The following NUDT6 variants were observed in gnomAD, a reference collection of about 807,000 sequenced individuals.
NUDT6 encodes FAD diphosphatase NUDT6.
In NUDT6, 24 loss-of-function variants were observed where a neutral mutation model predicts 36.8. The observed-to-expected ratio is 0.65, with a 90% CI of 0.47 to 0.92. The LOEUF (loss-of-function observed/expected upper bound fraction) is 0.92. Ranked by LOEUF, NUDT6 falls within the 40% of genes least tolerant of loss-of-function variation. NUDT6 has a pLI of 0.00. For missense variants in NUDT6, 388 were observed against 392.8 expected (o/e 0.99, Z 0.10); for synonymous variants, 163 against 157.0 (o/e 1.04, Z -0.29).
chr4:122,903,578 G>A (rs1026735549), intron 3 of NUDT6, among the ~76,000 whole-genome samples: 5 of 152,166 alleles, frequency 3.3e-5, no homozygotes, highest in East Asian at 1.9e-4. Flanking sequence ...TCTCAGCTCC[G>A]AATCTGCCCT....
chr4:122,908,342 T>C (rs1212411820), intron 3 of NUDT6, among the ~76,000 whole-genome samples: 1 of 152,214 alleles, frequency 6.6e-6, no homozygotes, highest in Non-Finnish European at 1.5e-5. Flanking sequence ...CAGTGTAATA[T>C]TGGTTGACAG....
In NUDT6 at chr4:122,922,447, TCCAA is replaced by T; in HGVS notation, c.122_125del (p.Val41GlufsTer84). 1 of 1,610,874 alleles carries T rather than the reference TCCAA, an allele frequency of 6.2e-7. No individual in the cohort carries two copies. Among genetic ancestry groups the T allele is most frequent in the Non-Finnish European group, 8.5e-7 (1 of 1,179,662 alleles). On this transcript the variant is annotated frameshift_variant, in exon 1 of 5. Transcript: ENST00000304430. LOFTEE classifies it high-confidence loss of function. ...CCAGCTCGCCCTGCAGATCGCACGC[TCCAA>T]CTGGCGGATTCCGCACGTAACCCTG...
At position 122,917,666 on chromosome 4, in the gene NUDT6, C is replaced by G. The variant is rs771597620; in HGVS notation, c.277G>C (p.Val93Leu). ...TGGAGGATGGGAATGTGCAGCCATA[C>G]AGCTGTTCTACCTTCTGATCGCCAT... The part of the protein sequence containing the change: ...QQWRSEGRTA[V>L]WLHIPILQSR... The change falls in exon 2 of 5, where the codon GTA (valine) becomes CTA (leucine). Residue 93 changes from valine to leucine, a missense_variant. Transcript: ENST00000304430. 3.1e-6 allele frequency: 5 copies of G among 1,614,038 alleles called. No individual in the cohort carries two copies. The highest frequency in any genetic ancestry group is 4.2e-6 in the Non-Finnish European group (5 of 1,180,010).
chr4:122,897,575 T>G, intron 4 of NUDT6, 49 bp downstream of exon 4: 1 of 1,284,472 alleles, frequency 7.8e-7, no homozygotes, highest in South Asian at 1.2e-5. Flanking sequence ...GTAAACACAT[T>G]AATTTCCTCA....
At chr4:122,922,622 A>T (rs747101108), upstream of NUDT6, 1 of 1,493,232 alleles carries the variant, frequency 6.7e-7, no homozygotes, top group Non-Finnish European at 9.1e-7. Context: ...TCCGCGCTCC[A>T]GAGCGGAGAT....
chr4:122,915,469 CAAAAAAAAAAA>C (rs61032259), intron 2 of NUDT6, among the ~76,000 whole-genome samples: 83 of 42,258 alleles, frequency 2.0e-3, no homozygotes, highest in African/African-American at 4.8e-3. Context: ...GACCCTGCCT[CAAAAAAAAAAA>C]AAAAAAAAAA....
intron 3 of NUDT6, among the ~76,000 whole-genome samples, chr4:122,911,998 A>G (rs1468148935): frequency 6.6e-6 from 1 of 150,714 alleles, no homozygotes; most frequent in East Asian, 2.0e-4. Context: ...GTGCCTTTGT[A>G]TAAGCAATTC....
intron 3 of NUDT6, among the ~76,000 whole-genome samples, chr4:122,898,600 C>G (rs1727437284): frequency 6.6e-6 from 1 of 152,178 alleles, no homozygotes; most frequent in Admixed American, 6.5e-5. Context: ...TGTCATTTCT[C>G]AACTATGCTA....
chr4:122,895,081 T>C (rs946359168), intron 4 of NUDT6: 1 of 152,198 alleles, frequency 6.6e-6, no homozygotes, highest in African/African-American at 2.4e-5. Context: ...ACTAACTGAC[T>C]GAAAATTGAA....
intron 3 of NUDT6, among the ~76,000 whole-genome samples, chr4:122,910,525 T>C (rs1727712702): frequency 6.6e-6 from 1 of 152,230 alleles, no homozygotes; most frequent in Non-Finnish European, 1.5e-5. Context: ...AATCATGTTA[T>C]CTGGCTGTCT....
chr4:122,911,831 C>T, intron 3 of NUDT6, among the ~76,000 whole-genome samples: 1 of 152,130 alleles, frequency 6.6e-6, no homozygotes, highest in East Asian at 1.9e-4. Context: ...ATATTTGTTG[C>T]TTCTAGTCAC....
intron 1 of NUDT6, chr4:122,920,455 C>G (rs1350534319): frequency 6.6e-6 from 1 of 152,174 alleles, no homozygotes; most frequent in East Asian, 1.9e-4. Flanking sequence ...AAAAATATAA[C>G]AAGTATTTGG....
chr4:122,914,817 G>A (rs570230725), intron 2 of NUDT6, among the ~76,000 whole-genome samples: 5 of 152,026 alleles, frequency 3.3e-5, no homozygotes, highest in East Asian at 3.9e-4. Context: ...TGAGGATATC[G>A]TGGTGACCAA....
At chr4:122,908,354 C>T (rs1279146578) in intron 3 of NUDT6, among the ~76,000 whole-genome samples, 1 of 152,212 alleles carries the variant, frequency 6.6e-6, no homozygotes, top group Non-Finnish European at 1.5e-5. Context: ...GGTTGACAGA[C>T]TTCTTTATTT....
intron 3 of NUDT6, among the ~76,000 whole-genome samples, chr4:122,904,921 A>C (rs1184247956): frequency 6.6e-6 from 1 of 152,132 alleles, no homozygotes; most frequent in African/African-American, 2.4e-5. Context: ...TCAAGAATGA[A>C]GCCGCGGACC....
chr4:122,908,107 C>A (rs1727659618), intron 3 of NUDT6, among the ~76,000 whole-genome samples: 1 of 151,908 alleles, frequency 6.6e-6, no homozygotes, highest in Non-Finnish European at 1.5e-5. Flanking sequence ...AAGGGGACCC[C>A]AAAAAAATCT....
At chr4:122,921,246 A>T (rs1727976219) in intron 1 of NUDT6, 1 of 152,184 alleles carries the variant, frequency 6.6e-6, no homozygotes. Flanking sequence ...CCCAATTTGT[A>T]TACAAATGTG....
Position 122,917,709 on chromosome 4 carries a change from A to G in NUDT6, c.239-5T>C. Reference sequence around the variant, plus strand: ...ATCGCCATTGCTGTACTGCAGCTAAATGCAGAAGAAAAAAGTCTAAATAAT... The same window carrying G: ...ATCGCCATTGCTGTACTGCAGCTAAGTGCAGAAGAAAAAAGTCTAAATAAT... On this transcript the variant is annotated splice_polypyrimidine_tract_variant and splice_region_variant and intron_variant, in intron 1 of 4. Coordinates refer to ENST00000304430, the MANE Select transcript of NUDT6 (RefSeq NM_007083.5). The G allele has an allele frequency of 6.2e-7, 1 of 1,613,108 alleles. No homozygotes were observed. The highest frequency in any genetic ancestry group is 8.5e-7 in the Non-Finnish European group (1 of 1,179,326).
chr4:122,897,752 C>T (rs1245783407), intron 3 of NUDT6, 74 bp from the exon 4 acceptor site: 2 of 1,032,706 alleles, frequency 1.9e-6, no homozygotes, highest in Non-Finnish European at 3.0e-6. Flanking sequence ...TCACAAAATC[C>T]ACCTATAATT....
Sources: allele counts gnomAD v4.1 joint callset (sites outside exome capture counted in the v4.1 genomes callset), GRCh38; gene constraint gnomAD v4.1.1; transcripts MANE v1.5; gene names NCBI Gene and HGNC (gene_info 2026-07-23, HGNC 2026-07-21).